CYP3A43: variants seen among roughly 807,000 people sequenced by gnomAD.
CYP3A43 encodes the protein cytochrome P450 3A43.
CYP3A43 carries 45 observed loss-of-function variants against 58.0 expected under a neutral mutation model. The ratio of observed to expected loss-of-function variants is 0.78; its 90% CI spans 0.61 to 0.99. The LOEUF (loss-of-function observed/expected upper bound fraction) is 0.99. Among genes scored for constraint, CYP3A43 ranks in the 50% least tolerant of loss-of-function variants. The probability of loss-of-function intolerance (pLI) is 0.00; values close to 1 mark genes in which losing one functional copy is unlikely to be tolerated. For synonymous variants in CYP3A43, 191 were observed against 201.4 expected, an observed-to-expected ratio of 0.95 and a Z score of 0.44; for missense variants, 593 against 591.9, an observed-to-expected ratio of 1.00 and a Z score of -0.02.
At chr7:99,852,894 A>T (rs1282704135) in intron 7 of CYP3A43, among the ~76,000 whole-genome samples, 2 of 152,198 alleles carry the variant, frequency 1.3e-5, no homozygotes, top group Admixed American at 6.5e-5. Flanking sequence ...GTGTGTTTTC[A>T]TTTAATTGAC....
intron 1 of CYP3A43, among the ~76,000 whole-genome samples, chr7:99,830,530 A>T (rs1816802604): frequency 6.6e-6 from 1 of 152,196 alleles, no homozygotes; most frequent in African/African-American, 2.4e-5. Flanking sequence ...AAGAAAAAAA[A>T]AAGAAAAAAA....
intron 7 of CYP3A43, among the ~76,000 whole-genome samples, chr7:99,855,077 G>C (rs183524727): frequency 1.8e-4 from 28 of 151,960 alleles, no homozygotes; most frequent in African/African-American, 5.3e-4. Flanking sequence ...ATGGGGTTCC[G>C]CCATGTTGGT....
intron 1 of CYP3A43, among the ~76,000 whole-genome samples, chr7:99,834,882 C>T (rs1216958167): frequency 6.6e-6 from 1 of 152,162 alleles, no homozygotes; most frequent in African/African-American, 2.4e-5. Flanking sequence ...GCATTAATTC[C>T]TTTGCCTCCC....
chr7:99,844,103 G>A, intron 3 of CYP3A43, 40 bp from the exon 4 acceptor site: 2 of 1,525,674 alleles, frequency 1.3e-6, no homozygotes, highest in South Asian at 2.4e-5. Flanking sequence ...TGCAGAATCA[G>A]GCAAGCGAGG....
intron 2 of CYP3A43, among the ~76,000 whole-genome samples, chr7:99,836,753 G>A (rs993991987): frequency 1.3e-5 from 2 of 152,132 alleles, no homozygotes; most frequent in Non-Finnish European, 2.9e-5. Context: ...TCAGTTGCAC[G>A]GCACAGATAT....
chr7:99,855,433 C>A, intron 7 of CYP3A43, 158 bp from the exon 8 acceptor site: 1 of 944,104 alleles, frequency 1.1e-6, no homozygotes, highest in Non-Finnish European at 1.5e-6. Context: ...GGAAGAGGGG[C>A]AAAGGTCATA....
At chr7:99,850,655 G>A (rs908421720) in intron 7 of CYP3A43, among the ~76,000 whole-genome samples, 6 of 152,092 alleles carry the variant, frequency 3.9e-5, no homozygotes, top group African/African-American at 1.4e-4. Flanking sequence ...ACTGCACACA[G>A]CCCCAAAACC....
At chr7:99,851,807 A>G (rs1817772480) in intron 7 of CYP3A43, among the ~76,000 whole-genome samples, 1 of 152,134 alleles carries the variant, frequency 6.6e-6, no homozygotes, top group South Asian at 2.1e-4. Flanking sequence ...TTTAATTTTG[A>G]TGATGCACGA....
intron 9 of CYP3A43, among the ~76,000 whole-genome samples, chr7:99,857,793 A>G (rs960899912): frequency 2.6e-5 from 4 of 152,354 alleles, no homozygotes; most frequent in Non-Finnish European, 4.4e-5. Flanking sequence ...CAGTGAGCCA[A>G]GATCACACTA....
intron 2 of CYP3A43, among the ~76,000 whole-genome samples, chr7:99,838,418 C>T (rs983563700): frequency 6.6e-5 from 10 of 152,204 alleles, no homozygotes; most frequent in African/African-American, 2.4e-4. Flanking sequence ...TAAAAGATTG[C>T]ACATTCCCTT....
At chr7:99,861,542 A>T in intron 10 of CYP3A43, 71 bp from the exon 11 acceptor site, 1 of 1,314,966 alleles carries the variant, frequency 7.6e-7, no homozygotes, top group Non-Finnish European at 1.1e-6. Context: ...ACACTTCAAT[A>T]GTACTGCATG....
rs59738486 is a variant in CYP3A43 at position 99,837,149 on chromosome 7, CAAAAAAA to C, written c.165+617_165+623del. Among the ~76,000 whole-genome samples the C allele has an allele frequency of 4.8e-4, 39 of 80,614 alleles. 1 individual carries two copies. Among genetic ancestry groups the C allele is most frequent in the East Asian group, 9.6e-4 (2 of 2,080 alleles). The allele number at this position is 80,614 out of a possible 152,430, so 52.9% of individuals were successfully genotyped here. A position where few individuals can be genotyped will look rare whatever the true frequency, so the allele number is the denominator to read the frequency against. ...TGAAACCCTGTCTCTACTAAAAATA[CAAAAAAA>C]AAAAAAAAAAAAATTAGCCGGGCGC... On this transcript the variant is annotated intron_variant, in intron 2 of 12. Transcript: ENST00000354829.
In CYP3A43 at chr7:99,828,128, C is replaced by G. The variant is rs374620083; in HGVS notation, c.13C>G (p.Pro5Ala). The G allele has an allele frequency of 6.2e-7, 1 of 1,613,014 alleles. No individual in the cohort carries two copies. The highest frequency in any genetic ancestry group is 1.3e-5 in the African/African-American group (1 of 74,890). MDLI[P>A]NFAMETWVLV... The stretch of plus-strand genomic sequence containing the variant: ...AAGAAAACTGGTGATGGATCTCATT[C>G]CAAACTTTGCCATGGAAACATGGGT... The change falls in exon 1 of 13, where the codon CCA becomes GCA. Residue 5 changes from proline (P) to alanine (A), a missense_variant. By Grantham distance (27) the Pro-to-Ala change is conservative. Coordinates refer to ENST00000354829, the MANE Select transcript of CYP3A43 (RefSeq NM_057095.3).
chr7:99,844,200 A>G lies in CYP3A43; in HGVS notation c.276A>G (p.Thr92=). The G allele has an allele frequency of 6.2e-7, 1 of 1,614,108 alleles. No homozygotes were observed. The highest frequency in any genetic ancestry group is 8.5e-7 in the Non-Finnish European group (1 of 1,180,000). Residue 92 remains threonine (T), a synonymous_variant, in exon 4 of 13, where the codon ACA becomes ACG. Transcript: ENST00000354829. The part of the protein sequence containing the change: ...LVIMDPDMIK[T]VLVKECYSVF... ...TCATGGATCCCGACATGATCAAAAC[A>G]GTGTTAGTGAAAGAATGTTACTCTG...
chr7:99,852,599 A>G (rs1050925582), intron 7 of CYP3A43, among the ~76,000 whole-genome samples: 14 of 152,128 alleles, frequency 9.2e-5, no homozygotes, highest in Non-Finnish European at 5.9e-5. Flanking sequence ...TGGATTGTAT[A>G]TTGTAACGTA....
intron 7 of CYP3A43, among the ~76,000 whole-genome samples, chr7:99,854,022 C>T (rs1817870061): frequency 1.3e-5 from 2 of 152,186 alleles, no homozygotes; most frequent in Admixed American, 1.3e-4. Flanking sequence ...GCAGACATTC[C>T]AATTGCACTC....
Position 99,836,566 on chromosome 7 carries a change from C to T in CYP3A43, c.165+20C>T. Reference sequence around the variant, plus strand: ...CTTAGGGTAAGTGTTATTTGAGCTCCCTCTTTTGCTTCTTATCGATGCAAA... The same window carrying T: ...CTTAGGGTAAGTGTTATTTGAGCTCTCTCTTTTGCTTCTTATCGATGCAAA... On this transcript the variant is annotated intron_variant, in intron 2 of 12. Coordinates refer to ENST00000354829, the MANE Select transcript of CYP3A43 (RefSeq NM_057095.3). 1 of 1,540,484 alleles carries T rather than the reference C, an allele frequency of 6.5e-7. No homozygotes were observed. The highest frequency in any genetic ancestry group is 2.3e-5 in the East Asian group (1 of 44,320).
rs1029114868 is a variant in CYP3A43, at chr7:99,865,783, G to T, written c.1417-123G>T. ...GTACAAATAAACCAACATGTATGGT[G>T]CTGAAAGTAGTTTTTTTTTAGTCAT... On this transcript the variant is annotated intron_variant, in intron 12 of 12. Coordinates refer to ENST00000354829, the MANE Select transcript of CYP3A43 (RefSeq NM_057095.3). 10 of 585,000 alleles carry T rather than the reference G, an allele frequency of 1.7e-5. No individual in the cohort carries two copies. In the Admixed American group the frequency reaches 2.8e-4, roughly 17 times the overall value. 36.2% of individuals were successfully genotyped at this position (585,000 alleles called of 1,614,324 possible). A position where few individuals can be genotyped will look rare whatever the true frequency, so the allele number is the denominator to read the frequency against.
At position 99,863,552 on chromosome 7, in the gene CYP3A43, C is replaced by A. The variant is rs777461615; in HGVS notation, c.1269C>A (p.Asn423Lys). 6.2e-7 allele frequency: 1 copy of A among 1,601,778 alleles called. No homozygotes were observed. Among genetic ancestry groups the A allele is most frequent in the Non-Finnish European group, 8.5e-7 (1 of 1,176,392 alleles). ...KFCPERFSKK[N>K]KDSIDLYRYI... ...GTGAAAGTAGGTTCAGTAAGAAGAACAAGGACAGCATAGATCTTTACAGAT... is the reference window on the plus strand; with the variant it reads ...GTGAAAGTAGGTTCAGTAAGAAGAAAAAGGACAGCATAGATCTTTACAGAT... The change falls in exon 12 of 13, where the codon AAC (asparagine) becomes AAA (lysine). Residue 423 changes from asparagine (N) to lysine (K), a missense_variant. Coordinates refer to ENST00000354829, the MANE Select transcript of CYP3A43 (RefSeq NM_057095.3).
Sources: gnomAD v4.1 joint callset for allele counts (sites outside exome capture counted in the v4.1 genomes callset) on GRCh38, gnomAD v4.1.1 for gene constraint, MANE v1.5 for transcripts, NCBI Gene and HGNC (gene_info 2026-07-23, HGNC 2026-07-21) for gene names.